The following PIWIL2 variants were observed in gnomAD, a reference collection of about 807,000 sequenced individuals.
PIWIL2 encodes the protein piwi like RNA-mediated gene silencing 2, also known as piwi-like protein 2.
In PIWIL2, 81 loss-of-function variants were observed where a neutral mutation model predicts 116.5. That is an observed-to-expected ratio of 0.70 (90% CI 0.58 to 0.84). The LOEUF (loss-of-function observed/expected upper bound fraction) is 0.84. Ranked by LOEUF, PIWIL2 falls within the 40% of genes least tolerant of loss-of-function variation. PIWIL2 has a pLI of 0.00. For synonymous variants in PIWIL2, 489 were observed against 429.5 expected (o/e 1.14, Z -1.71); for missense variants, 1,272 against 1,212.3 (o/e 1.05, Z -0.73).
intron 10 of PIWIL2, among the ~76,000 whole-genome samples, chr8:22,295,238 A>G (rs1170305459): frequency 6.6e-6 from 1 of 151,810 alleles, no homozygotes; most frequent in Non-Finnish European, 1.5e-5. Context: ...CACAGGCATG[A>G]TCATTGCTCA....
At chr8:22,315,450 G>T (rs1831435330) in intron 18 of PIWIL2, among the ~76,000 whole-genome samples, 1 of 152,032 alleles carries the variant, frequency 6.6e-6, no homozygotes, top group Non-Finnish European at 1.5e-5. Flanking sequence ...CTGAGTAGCT[G>T]GGATTACAGG....
At chr8:22,295,473 A>G (rs1830875523) in intron 10 of PIWIL2, among the ~76,000 whole-genome samples, 1 of 152,104 alleles carries the variant, frequency 6.6e-6, no homozygotes, top group African/African-American at 2.4e-5. Flanking sequence ...CTCCCGTCCA[A>G]ATACCACATT....
At position 22,306,026 on chromosome 8, in the gene PIWIL2, CTG is replaced by C; in HGVS notation, c.1545+14_1545+15del. 1 of 1,601,384 alleles carries C rather than the reference CTG, an allele frequency of 6.2e-7. No homozygotes were observed. Among genetic ancestry groups the C allele is most frequent in the Non-Finnish European group, 8.6e-7 (1 of 1,168,518 alleles). Reference sequence around the variant, plus strand: ...CTTCAGAGCCATGAAGGTTGGAGTCCTGTGTTTTCAGCCGGAAATGCCCACTT... The same window carrying C: ...CTTCAGAGCCATGAAGGTTGGAGTCCTGTTTTCAGCCGGAAATGCCCACTT... On this transcript the variant is annotated intron_variant, in intron 13 of 22. Coordinates refer to ENST00000356766, the MANE Select transcript of PIWIL2 (RefSeq NM_018068.5).
intron 10 of PIWIL2, among the ~76,000 whole-genome samples, chr8:22,290,827 T>A (rs576420565): frequency 6.6e-6 from 1 of 151,998 alleles, no homozygotes; most frequent in Non-Finnish European, 1.5e-5. Flanking sequence ...GAGATAAGCA[T>A]CTGAATAGAC....
rs371877235 is a variant in PIWIL2 at position 22,305,871 on chromosome 8, C to T, written c.1456-56C>T. 55 of 1,261,082 alleles carry T rather than the reference C, an allele frequency of 4.4e-5. No individual in the cohort carries two copies. In the African/African-American group the frequency reaches 7.2e-4, roughly 17 times the overall value. 78.1% of individuals were successfully genotyped at this position (1,261,082 alleles called of 1,614,324 possible). A position where few individuals can be genotyped will look rare whatever the true frequency, so the allele number is the denominator to read the frequency against. ...CTGGCCATGACATGTCCTGTATGGTCGGGAACATGAGCCTCTTGTACTGCC... is the reference window on the plus strand; with the variant it reads ...CTGGCCATGACATGTCCTGTATGGTTGGGAACATGAGCCTCTTGTACTGCC... On this transcript the variant is annotated intron_variant, in intron 12 of 22. Coordinates refer to ENST00000356766, the MANE Select transcript of PIWIL2 (RefSeq NM_018068.5).
intron 10 of PIWIL2, 68 bp from the exon 11 acceptor site, chr8:22,303,953 T>C: frequency 1.1e-6 from 1 of 951,306 alleles, no homozygotes; most frequent in Non-Finnish European, 1.6e-6. Flanking sequence ...AATTACTTGA[T>C]CCCCTATCCC....
intron 20 of PIWIL2, among the ~76,000 whole-genome samples, chr8:22,350,782 A>T (rs1832335185): frequency 6.6e-6 from 1 of 152,108 alleles, no homozygotes; most frequent in African/African-American, 2.4e-5. Context: ...GAGGAGGATT[A>T]CTTGAGGCTG....
chr8:22,297,197 C>G (rs1032316374), intron 10 of PIWIL2, among the ~76,000 whole-genome samples: 10 of 151,936 alleles, frequency 6.6e-5, no homozygotes, highest in Non-Finnish European at 1.0e-4. Context: ...ACTGTGTTGC[C>G]AAGGCTGGTC....
chr8:22,287,698 GTTTT>G (rs1830662308), intron 7 of PIWIL2, 53 bp downstream of exon 7: 2 of 1,169,910 alleles, frequency 1.7e-6, no homozygotes, highest in Non-Finnish European at 2.6e-6. Context: ...GTGCTCTGGC[GTTTT>G]TTGTTTGGTT....
chr8:22,281,271 A>AT, intron 3 of PIWIL2, 64 bp downstream of exon 3: 10 of 1,547,950 alleles, frequency 6.5e-6, no homozygotes, highest in Non-Finnish European at 8.8e-6. Context: ...TAAAATCCAA[A>AT]TGGTTTATTT....
chr8:22,321,889 G>T (rs1464756305), intron 20 of PIWIL2: 1 of 985,038 alleles, frequency 1.0e-6, no homozygotes, highest in East Asian at 1.1e-4. Flanking sequence ...CCGAACAGTT[G>T]CCGCCTTACA....
At chr8:22,300,619 C>G (rs899295224) in intron 10 of PIWIL2, among the ~76,000 whole-genome samples, 2 of 152,188 alleles carry the variant, frequency 1.3e-5, no homozygotes, top group African/African-American at 4.8e-5. Flanking sequence ...TTCCCACTAG[C>G]AGTGCCTGAG....
chr8:22,282,244 CTTTTTTTTTTTTTTT>C (rs34130038), intron 4 of PIWIL2, among the ~76,000 whole-genome samples: 1 of 33,612 alleles, frequency 3.0e-5, no homozygotes, highest in African/African-American at 1.1e-4. Flanking sequence ...CCACACCCGG[CTTTTTTTTTTTTTTT>C]TTTTTTTTTT....
intron 2 of PIWIL2, among the ~76,000 whole-genome samples, chr8:22,280,271 G>A (rs1057144748): frequency 6.6e-6 from 1 of 152,050 alleles, no homozygotes. Flanking sequence ...CTGCCTCTGA[G>A]GTAATAATAC....
At chr8:22,283,411 A>T (rs570452613) in intron 5 of PIWIL2, among the ~76,000 whole-genome samples, 171 bp downstream of exon 5, 13 of 152,132 alleles carry the variant, frequency 8.5e-5, no homozygotes, top group African/African-American at 3.1e-4. Context: ...AGGACAATTT[A>T]TTTTTTCTTC....
chr8:22,289,070 C>G (rs1350109952), intron 8 of PIWIL2, among the ~76,000 whole-genome samples: 1 of 151,580 alleles, frequency 6.6e-6, no homozygotes, highest in Non-Finnish European at 1.5e-5. Context: ...TGTTTAACTT[C>G]TTTTGAAACA....
At chr8:22,319,814 AAGT>A (rs1831552249) in intron 20 of PIWIL2, among the ~76,000 whole-genome samples, 2 of 152,182 alleles carry the variant, frequency 1.3e-5, no homozygotes, top group Non-Finnish European at 2.9e-5. Flanking sequence ...TTAACTGTGG[AAGT>A]AATGCAGTAT....
chr8:22,290,346 T>C lies in PIWIL2; in HGVS notation c.1181T>C (p.Met394Thr). 1.3e-6 allele frequency: 2 copies of C among 1,550,012 alleles called. No homozygotes were observed. The highest frequency in any genetic ancestry group is 1.8e-6 in the Non-Finnish European group (2 of 1,122,616). ...CGGAATGACTGTGTGCTGGATGTCA[T>C]GTGAGTGAATGGTGGGGTCTATCTT... is the stretch of plus-strand genomic sequence containing the variant. ...VIRNDCVLDV[M>T]HAIYQQNKEH... The change falls in exon 10 of 23, where the codon ATG (methionine) becomes ACG (threonine). Residue 394 changes from methionine (M) to threonine (T), a missense_variant and splice_region_variant. Met to Thr is a moderately conservative substitution (Grantham distance 81). Transcript: ENST00000356766.
chr8:22,306,899 C>T (rs1831195338), intron 13 of PIWIL2, among the ~76,000 whole-genome samples: 1 of 152,150 alleles, frequency 6.6e-6, no homozygotes, highest in African/African-American at 2.4e-5. Context: ...GAGGGAATAA[C>T]AGCTGTGCAA....
Sources: allele counts gnomAD v4.1 joint callset (sites outside exome capture counted in the v4.1 genomes callset), GRCh38; gene constraint gnomAD v4.1.1; transcripts MANE v1.5; gene names NCBI Gene and HGNC (gene_info 2026-07-23, HGNC 2026-07-21).